RANBP2: variants seen among roughly 807,000 people sequenced by gnomAD.
The protein encoded by RANBP2 is RAN binding protein 2.
A neutral mutation model predicts 303.6 loss-of-function variants in RANBP2; 57 were observed. That is an observed-to-expected ratio of 0.19 (90% CI 0.15 to 0.23). RANBP2 has a LOEUF of 0.23. Ranked by LOEUF, RANBP2 falls within the 10% of genes least tolerant of loss-of-function variation. The pLI is 1.00. For missense variants in RANBP2, 3,138 were observed against 3,780.8 expected (o/e 0.83, Z 4.46); for synonymous variants, 1,167 against 1,301.5 (o/e 0.90, Z 2.23).
chr2:109,614,367 C>A, the RANBP2 span: 119 of 813,384 alleles, frequency 1.5e-4, no homozygotes, highest in Non-Finnish European at 1.8e-4. Flanking sequence ...TGGCCTCAGA[C>A]GCGTAGGCTG....
chr2:109,732,501 CAG>C, the RANBP2 span, among the ~76,000 whole-genome samples: 1 of 146,342 alleles, frequency 6.8e-6, no homozygotes, highest in African/African-American at 2.5e-5. Context: ...TTTTTTGAGA[CAG>C]AGTCTTGCTC....
the RANBP2 span, among the ~76,000 whole-genome samples, chr2:109,583,889 A>G: frequency 6.6e-6 from 1 of 152,210 alleles, no homozygotes; most frequent in African/African-American, 2.4e-5. Context: ...CTCAGGAACA[A>G]AAAACCAAAT....
the RANBP2 span, among the ~76,000 whole-genome samples, chr2:109,302,761 C>T: frequency 0.29 from 44,793 of 152,116 alleles, 7,977 homozygotes; most frequent in East Asian, 0.86. Context: ...CACGACATTT[C>T]ACCTGCCTCT....
At chr2:109,447,164 AAAAAG>A in the RANBP2 span, among the ~76,000 whole-genome samples, 60 of 149,878 alleles carry the variant, frequency 4.0e-4, no homozygotes, top group African/African-American at 1.4e-3. Flanking sequence ...AAAAAAAAAA[AAAAAG>A]AAAAGAAAAA....
the RANBP2 span, chr2:109,141,513 CCA>C: frequency 1.3e-5 from 2 of 154,954 alleles, no homozygotes; most frequent in Middle Eastern, 5.2e-4. Context: ...AGAGCTGAGC[CCA>C]CAGCTGCAGA....
At chr2:108,786,977 G>C, downstream of RANBP2, 1 of 1,163,802 alleles carries the variant, frequency 8.6e-7, no homozygotes, top group Non-Finnish European at 1.1e-6. Flanking sequence ...CCCGCTCCGT[G>C]CCCCGCGCAG....
At chr2:109,210,047 T>C in the RANBP2 span, among the ~76,000 whole-genome samples, 1 of 152,050 alleles carries the variant, frequency 6.6e-6, no homozygotes, top group Non-Finnish European at 1.5e-5. Context: ...GACCGCAGAG[T>C]CAAACAGTAT....
chr2:108,743,293 G>A (rs1225475868), intron 7 of RANBP2, among the ~76,000 whole-genome samples: 1 of 152,064 alleles, frequency 6.6e-6, no homozygotes, highest in Non-Finnish European at 1.5e-5. Flanking sequence ...AGTTTTGGGA[G>A]GCAGAGTCTC....
chr2:109,199,607 T>TCAACCCGA, the RANBP2 span, among the ~76,000 whole-genome samples: 3 of 276 alleles, frequency 0.011, no homozygotes, highest in East Asian at 0.5. Flanking sequence ...TGGAATGGAA[T>TCAACCCGA]GGAATGGAAT....
the RANBP2 span, among the ~76,000 whole-genome samples, chr2:109,484,214 T>A: frequency 6.6e-6 from 1 of 151,990 alleles, no homozygotes; most frequent in Non-Finnish European, 1.5e-5. Flanking sequence ...TTACAGGCGC[T>A]TGCCACCACG....
At chr2:109,424,738 C>T in the RANBP2 span, among the ~76,000 whole-genome samples, 20 of 152,116 alleles carry the variant, frequency 1.3e-4, no homozygotes, top group Non-Finnish European at 2.2e-4. Flanking sequence ...TATGTTCTGA[C>T]GGCTCCACGG....
the RANBP2 span, among the ~76,000 whole-genome samples, chr2:109,184,567 G>C: frequency 6.6e-6 from 1 of 152,206 alleles, no homozygotes; most frequent in African/African-American, 2.4e-5. Flanking sequence ...GAGCCCCTCT[G>C]ATCCAGGTTG....
chr2:108,907,307 T>C, the RANBP2 span, among the ~76,000 whole-genome samples: 1 of 152,196 alleles, frequency 6.6e-6, no homozygotes, highest in Non-Finnish European at 1.5e-5. Flanking sequence ...TTACCTTTTT[T>C]CTCCTTGCTT....
chr2:108,781,455 A>T, intron 26 of RANBP2, 26 bp downstream of exon 26: 1 of 1,608,348 alleles, frequency 6.2e-7, no homozygotes, highest in Non-Finnish European at 8.5e-7. Flanking sequence ...TTAACCTTTT[A>T]CTAATAACTT....
At chr2:109,006,370 T>G in the RANBP2 span, among the ~76,000 whole-genome samples, 3 of 152,066 alleles carry the variant, frequency 2.0e-5, no homozygotes, top group Non-Finnish European at 2.9e-5. Flanking sequence ...ATTTTTTGTA[T>G]TTTTATTAGA....
At chr2:108,852,598 G>T in the RANBP2 span, among the ~76,000 whole-genome samples, 1 of 152,160 alleles carries the variant, frequency 6.6e-6, no homozygotes, top group Non-Finnish European at 1.5e-5. Flanking sequence ...TATGTCCTTT[G>T]CAGGGACATG....
At chr2:109,248,368 G>A in the RANBP2 span, among the ~76,000 whole-genome samples, 3 of 152,050 alleles carry the variant, frequency 2.0e-5, no homozygotes, top group Non-Finnish European at 1.5e-5. Flanking sequence ...AAGTTTTATG[G>A]TTTTGCCTCT....
the RANBP2 span, among the ~76,000 whole-genome samples, chr2:109,286,145 G>A: frequency 6.6e-6 from 1 of 152,186 alleles, no homozygotes; most frequent in Non-Finnish European, 1.5e-5. Flanking sequence ...TGTACCTGTG[G>A]ATTTTCCAAG....
rs770828218 is a variant in RANBP2 at position 108,748,907 on chromosome 2, AT to A, written c.1064-4del. The A allele has an allele frequency of 6.2e-7, 1 of 1,608,840 alleles. No homozygotes were observed. Among genetic ancestry groups the A allele is most frequent in the Non-Finnish European group, 8.5e-7 (1 of 1,177,792 alleles). On this transcript the variant is annotated splice_polypyrimidine_tract_variant and intron_variant, in intron 8 of 28. Transcript: ENST00000283195. ...TTTTAAAGTGATGGAAATAACTTAA[AT>A]TTTTTTTTCAGGGCACATGTTGCTA...
Sources: gnomAD v4.1 joint callset for allele counts (sites outside exome capture counted in the v4.1 genomes callset) on GRCh38, gnomAD v4.1.1 for gene constraint, MANE v1.5 for transcripts, NCBI Gene and HGNC (gene_info 2026-07-23, HGNC 2026-07-21) for gene names.